LRMDA: variants seen among roughly 807,000 people sequenced by gnomAD.
LRMDA encodes leucine-rich melanocyte differentiation-associated protein.
In LRMDA, 18 loss-of-function variants were observed where a neutral mutation model predicts 29.8. The observed-to-expected ratio is 0.60, with a 90% CI of 0.42 to 0.90. The LOEUF is 0.90. Ranked by LOEUF, LRMDA falls within the 40% of genes least tolerant of loss-of-function variation. LRMDA has a pLI of 0.00. For missense variants in LRMDA, 273 were observed against 273.9 expected, an observed-to-expected ratio of 1.00 and a Z score of 0.02; for synonymous variants, 125 against 109.4, an observed-to-expected ratio of 1.14 and a Z score of -0.89.
intron 2 of LRMDA, among the ~76,000 whole-genome samples, chr10:75,780,336 G>A (rs1843366500): frequency 1.3e-5 from 2 of 152,216 alleles, no homozygotes; most frequent in Admixed American, 1.3e-4. Flanking sequence ...AATGTCAAAT[G>A]TTGCCATCTG....
chr10:75,828,092 C>A (rs998207275), intron 2 of LRMDA, among the ~76,000 whole-genome samples: 2 of 152,122 alleles, frequency 1.3e-5, no homozygotes, highest in African/African-American at 4.8e-5. Flanking sequence ...TCCTTGTGTG[C>A]CCTATACTGT....
intron 5 of LRMDA, among the ~76,000 whole-genome samples, chr10:76,132,526 T>G (rs747889464): frequency 1.3e-5 from 2 of 152,218 alleles, no homozygotes; most frequent in Non-Finnish European, 2.9e-5. Flanking sequence ...AAAGGTCTTA[T>G]AAATTATATT....
At chr10:75,885,521 G>A (rs1490436884) in intron 2 of LRMDA, among the ~76,000 whole-genome samples, 1 of 152,202 alleles carries the variant, frequency 6.6e-6, no homozygotes, top group East Asian at 1.9e-4. Context: ...TCCTGGTGTA[G>A]CTGACAATGT....
intron 6 of LRMDA, among the ~76,000 whole-genome samples, chr10:76,363,688 C>T (rs1198418763): frequency 1.3e-5 from 2 of 151,766 alleles, no homozygotes; most frequent in Non-Finnish European, 2.9e-5. Flanking sequence ...TTTCTTTTTC[C>T]TTTCTAGTTT....
At chr10:76,418,886 A>C (rs146459903) in intron 6 of LRMDA, among the ~76,000 whole-genome samples, 1 of 152,046 alleles carries the variant, frequency 6.6e-6, no homozygotes, top group Non-Finnish European at 1.5e-5. Context: ...TTATTATATT[A>C]ATGTGATGAA....
chr10:76,164,752 C>A (rs983263708), intron 5 of LRMDA, among the ~76,000 whole-genome samples: 1 of 151,956 alleles, frequency 6.6e-6, no homozygotes, highest in Admixed American at 6.6e-5. Context: ...AAATAGGAAA[C>A]AATTTAATTT....
At chr10:75,584,314 C>T (rs1486068813) in intron 2 of LRMDA, among the ~76,000 whole-genome samples, 1 of 152,140 alleles carries the variant, frequency 6.6e-6, no homozygotes, top group Non-Finnish European at 1.5e-5. Context: ...CCTTATTCTA[C>T]CTCCCCCCTA....
chr10:76,537,725 C>G (rs77125329), intron 6 of LRMDA, among the ~76,000 whole-genome samples: 1 of 152,016 alleles, frequency 6.6e-6, no homozygotes, highest in Non-Finnish European at 1.5e-5. Flanking sequence ...GGATAATACC[C>G]CCATCTGCAA....
chr10:75,499,288 G>A (rs534023869), intron 2 of LRMDA, among the ~76,000 whole-genome samples: 28 of 152,252 alleles, frequency 1.8e-4, no homozygotes, highest in Admixed American at 7.2e-4. Flanking sequence ...TGCCTAGTCC[G>A]TGGAATTCAT....
chr10:76,266,434 G>T (rs572410581), intron 5 of LRMDA, among the ~76,000 whole-genome samples: 8 of 152,008 alleles, frequency 5.3e-5, no homozygotes, highest in African/African-American at 1.9e-4. Flanking sequence ...TTGCTTTTTT[G>T]TGTTTATGAA....
chr10:76,112,571 C>T (rs542899380), intron 5 of LRMDA, among the ~76,000 whole-genome samples: 234 of 152,348 alleles, frequency 1.5e-3, no homozygotes, highest in African/African-American at 5.5e-3. Context: ...CTCCCAGGTC[C>T]GCAGCCTTCA....
rs186083019 is a variant in LRMDA at position 75,610,927 on chromosome 10, G to C, written c.131+172433G>C. Among the ~76,000 whole-genome samples, 495 of 152,260 alleles carry C rather than the reference G, an allele frequency of 3.3e-3. 3 individuals carry two copies. Among genetic ancestry groups the C allele is most frequent in the Non-Finnish European group, 4.7e-3 (320 of 68,018 alleles). On this transcript the variant is annotated intron_variant, in intron 2 of 6. Transcript: ENST00000611255. ...TTTTTCTTTTTCCTGAGTTGGCCTT[G>C]TTCTGGTGGAAACTTAATGTGTGTG... is the stretch of plus-strand genomic sequence containing the variant.
intron 2 of LRMDA, among the ~76,000 whole-genome samples, chr10:76,035,077 C>T (rs1335204523): frequency 6.6e-6 from 1 of 151,508 alleles, no homozygotes; most frequent in Non-Finnish European, 1.5e-5. Context: ...ATAAGCAAGG[C>T]TATTTTTCCC....
At chr10:75,857,276 G>A (rs896319247) in intron 2 of LRMDA, among the ~76,000 whole-genome samples, 1 of 152,202 alleles carries the variant, frequency 6.6e-6, no homozygotes, top group Non-Finnish European at 1.5e-5. Context: ...TTGGCGGGTT[G>A]GGGGCCAGAG....
intron 2 of LRMDA, among the ~76,000 whole-genome samples, chr10:75,963,451 C>T (rs1027068307): frequency 6.6e-6 from 1 of 152,188 alleles, no homozygotes; most frequent in African/African-American, 2.4e-5. Context: ...GGTAAGACAC[C>T]TTATTTGCCT....
chr10:76,456,960 T>A lies in LRMDA; in HGVS notation c.602-100249T>A, dbSNP rs551507133. ...CTGAGGTTAAGTTGAAGATAGGAAG[T>A]TGAGTGTTGGTTTTTTCAAATTGTG... On this transcript the variant is annotated intron_variant, in intron 6 of 6. Coordinates refer to ENST00000611255, the MANE Select transcript of LRMDA (RefSeq NM_001305581.2). 1.1e-4 allele frequency among the ~76,000 whole-genome samples: 16 copies of A among 152,262 alleles called. No individual in the cohort carries two copies. The South Asian group carries it at 3.3e-3, about 32-fold the overall frequency.
intron 2 of LRMDA, among the ~76,000 whole-genome samples, chr10:75,625,539 G>A (rs138569850): frequency 4.3e-4 from 65 of 152,294 alleles, no homozygotes; most frequent in African/African-American, 1.4e-3. Flanking sequence ...TTTGGTAAAA[G>A]TAATTTTGTA....
chr10:76,135,273 C>A (rs1158068981), intron 5 of LRMDA, among the ~76,000 whole-genome samples: 1 of 152,182 alleles, frequency 6.6e-6, no homozygotes, highest in Non-Finnish European at 1.5e-5. Context: ...TGAAAGAAAG[C>A]CCTTGCAGGC....
At chr10:76,207,505 G>C (rs924755398) in intron 5 of LRMDA, among the ~76,000 whole-genome samples, 1 of 152,156 alleles carries the variant, frequency 6.6e-6, no homozygotes, top group African/African-American at 2.4e-5. Flanking sequence ...TTTATTTTTG[G>C]TTGGGGGATG....
Sources: gnomAD v4.1 joint callset for allele counts (sites outside exome capture counted in the v4.1 genomes callset) on GRCh38, gnomAD v4.1.1 for gene constraint, MANE v1.5 for transcripts, NCBI Gene and HGNC (gene_info 2026-07-23, HGNC 2026-07-21) for gene names.